Variants in ATP2C1 observed in about 807,000 individuals in gnomAD.
ATP2C1 encodes the protein ATPase secretory pathway Ca2+ transporting 1.
ATP2C1 carries 31 observed loss-of-function variants against 120.5 expected under a neutral mutation model. The ratio of observed to expected loss-of-function variants is 0.26; its 90% CI spans 0.19 to 0.35. The LOEUF is 0.35. ATP2C1 is among the 10% of genes least tolerant of loss of function. ATP2C1 has a pLI of 1.00. For synonymous variants in ATP2C1, 351 were observed against 358.7 expected (o/e 0.98, Z 0.24); for missense variants, 731 against 1,107.5 (o/e 0.66, Z 4.83).
At chr3:130,974,970 T>G (rs2061479001) in intron 17 of ATP2C1, among the ~76,000 whole-genome samples, 1 of 152,130 alleles carries the variant, frequency 6.6e-6, no homozygotes, top group Non-Finnish European at 1.5e-5. Flanking sequence ...GTGTTTTAGG[T>G]AGATAGATAT....
chr3:130,930,384 T>C (rs1327488245), intron 2 of ATP2C1, 32 bp from the exon 3 acceptor site: 1 of 1,353,590 alleles, frequency 7.4e-7, no homozygotes, highest in Non-Finnish European at 1.1e-6. Context: ...TTTGCTATAT[T>C]CAAATATTTT....
At chr3:131,007,726 T>C (rs533604314), downstream of ATP2C1, among the ~76,000 whole-genome samples, 2 of 152,338 alleles carry the variant, frequency 1.3e-5, no homozygotes, top group South Asian at 2.1e-4. Flanking sequence ...AGTTGACAAG[T>C]GACAATTTGG....
intron 26 of ATP2C1, chr3:131,014,341 C>G: frequency 6.2e-7 from 1 of 1,611,780 alleles, no homozygotes; most frequent in Admixed American, 1.7e-5. Context: ...GAGGTCGATG[C>G]TAGCAGTTGC....
At chr3:130,989,993 G>A (rs187887028) in intron 20 of ATP2C1, among the ~76,000 whole-genome samples, 1 of 152,304 alleles carries the variant, frequency 6.6e-6, no homozygotes, top group Non-Finnish European at 1.5e-5. Flanking sequence ...CCAAATATAA[G>A]TTATGTGATT....
intron 2 of ATP2C1, among the ~76,000 whole-genome samples, chr3:130,901,969 A>G (rs2107996276): frequency 6.6e-6 from 1 of 152,160 alleles, no homozygotes; most frequent in Non-Finnish European, 1.5e-5. Context: ...TAAGCATGCT[A>G]CAATCCGTAA....
At chr3:130,940,828 G>T (rs1341916782) in intron 7 of ATP2C1, 137 bp downstream of exon 7, 3 of 713,986 alleles carry the variant, frequency 4.2e-6, no homozygotes, top group South Asian at 1.6e-5. Context: ...AAAGTTCCTG[G>T]TCTCATTAAT....
intron 19 of ATP2C1, among the ~76,000 whole-genome samples, chr3:130,980,030 A>G (rs1441814748): frequency 6.6e-6 from 1 of 152,204 alleles, no homozygotes; most frequent in Non-Finnish European, 1.5e-5. Context: ...GTCTAAGAAC[A>G]GGTCACTAGG....
At chr3:131,010,334 G>A (rs993489280) in intron 26 of ATP2C1, among the ~76,000 whole-genome samples, 4 of 151,838 alleles carry the variant, frequency 2.6e-5, no homozygotes, top group Non-Finnish European at 5.9e-5. Context: ...GGGACTACAG[G>A]TGCCCGCCAC....
chr3:130,904,245 T>G (rs1484421366), intron 2 of ATP2C1, among the ~76,000 whole-genome samples: 1 of 152,028 alleles, frequency 6.6e-6, no homozygotes, highest in Non-Finnish European at 1.5e-5. Flanking sequence ...ACATTCACAT[T>G]TATAAACTAT....
intron 1 of ATP2C1, among the ~76,000 whole-genome samples, chr3:130,860,777 C>CT (rs1330409770): frequency 6.6e-6 from 1 of 152,080 alleles, no homozygotes; most frequent in African/African-American, 2.4e-5. Flanking sequence ...TTTTTCCTTC[C>CT]TTTTTTCCTT....
In ATP2C1 at chr3:130,947,719, C is replaced by CTA. The variant is rs1449015477; in HGVS notation, c.531+6022_531+6023dup. 1.3e-5 allele frequency among the ~76,000 whole-genome samples: 2 copies of CTA among 152,036 alleles called. 1 individual carries two copies. The highest frequency in any genetic ancestry group is 2.9e-5 in the Non-Finnish European group (2 of 67,988). On this transcript the variant is annotated intron_variant, in intron 8 of 27. Transcript: ENST00000510168. ...AAGGACTTCTGTTGTTACTTGTTTT[C>CTA]TATTTGTGTTATCTTTTTATGTTCC...
At chr3:130,958,796 G>C (rs553678530) in intron 11 of ATP2C1, among the ~76,000 whole-genome samples, 1 of 152,142 alleles carries the variant, frequency 6.6e-6, no homozygotes, top group African/African-American at 2.4e-5. Flanking sequence ...GAGCCAAGTC[G>C]TAAGTGTCCC....
chr3:130,929,131 G>A (rs2059343916), intron 2 of ATP2C1, among the ~76,000 whole-genome samples: 1 of 152,032 alleles, frequency 6.6e-6, no homozygotes, highest in African/African-American at 2.4e-5. Flanking sequence ...AGTAAAGAAA[G>A]GTAATCTGTC....
intron 1 of ATP2C1, among the ~76,000 whole-genome samples, chr3:130,876,424 T>G (rs558148041): frequency 1.3e-5 from 2 of 152,260 alleles, no homozygotes; most frequent in African/African-American, 4.8e-5. Flanking sequence ...TTTCTGAAAA[T>G]TAGTTGGCTG....
intron 10 of ATP2C1, chr3:130,955,865 C>A: frequency 2.4e-6 from 1 of 418,682 alleles, no homozygotes; most frequent in South Asian, 2.3e-5. Flanking sequence ...GAGAACGGAC[C>A]TTTTCAAATA....
intron 1 of ATP2C1, among the ~76,000 whole-genome samples, chr3:130,864,979 C>T (rs2068121758): frequency 6.6e-6 from 1 of 152,164 alleles, no homozygotes; most frequent in Non-Finnish European, 1.5e-5. Flanking sequence ...CACCATCCTC[C>T]AGACCCCAGA....
chr3:130,906,266 A>G (rs1247333638), intron 2 of ATP2C1, among the ~76,000 whole-genome samples: 1 of 152,006 alleles, frequency 6.6e-6, no homozygotes, highest in Non-Finnish European at 1.5e-5. Flanking sequence ...CCTGGTAACC[A>G]CTAATCTACT....
chr3:130,929,261 A>G (rs1404914246), intron 2 of ATP2C1, among the ~76,000 whole-genome samples: 2 of 152,184 alleles, frequency 1.3e-5, no homozygotes, highest in Non-Finnish European at 2.9e-5. Context: ...AAGATTAGAA[A>G]ACATGAATTT....
intron 2 of ATP2C1, among the ~76,000 whole-genome samples, chr3:130,929,483 G>C (rs1418598112): frequency 6.6e-6 from 1 of 152,134 alleles, no homozygotes; most frequent in Non-Finnish European, 1.5e-5. Context: ...ATTATCCAAG[G>C]TTGAAAAGAT....
Sources: allele counts gnomAD v4.1 joint callset (sites outside exome capture counted in the v4.1 genomes callset), GRCh38; gene constraint gnomAD v4.1.1; transcripts MANE v1.5; gene names NCBI Gene and HGNC (gene_info 2026-07-23, HGNC 2026-07-21).